CEP170: variants seen among roughly 807,000 people sequenced by gnomAD.
CEP170 encodes centrosomal protein of 170 kDa.
CEP170 carries 21 observed loss-of-function variants against 151.9 expected under a neutral mutation model. The observed-to-expected ratio is 0.14, with a 90% CI of 0.10 to 0.20. The LOEUF (loss-of-function observed/expected upper bound fraction) is 0.20. Ranked by LOEUF, CEP170 falls within the 10% of genes least tolerant of loss-of-function variation. The pLI is 1.00. For missense variants in CEP170, 964 were observed against 1,892.9 expected (o/e 0.51, Z 9.11); for synonymous variants, 356 against 648.8 (o/e 0.55, Z 6.86).
intron 14 of CEP170, among the ~76,000 whole-genome samples, chr1:243,154,284 A>G (rs1426930724): frequency 6.6e-6 from 1 of 152,290 alleles, no homozygotes; most frequent in Non-Finnish European, 1.5e-5. Flanking sequence ...CTCTTCAAAT[A>G]TTGCTCTCAG....
intron 14 of CEP170, among the ~76,000 whole-genome samples, chr1:243,150,142 T>C (rs1350592182): frequency 6.6e-6 from 1 of 152,210 alleles, no homozygotes; most frequent in Non-Finnish European, 1.5e-5. Context: ...ACGAGACTGA[T>C]AGGTGTTCCG....
At chr1:243,243,128 A>G (rs2065021968) in intron 1 of CEP170, among the ~76,000 whole-genome samples, 1 of 152,188 alleles carries the variant, frequency 6.6e-6, no homozygotes, top group Admixed American at 6.5e-5. Flanking sequence ...GGAGGCCGAG[A>G]CAGGAGGATC....
At chr1:243,144,695 A>G (rs1407914017) in intron 14 of CEP170, among the ~76,000 whole-genome samples, 1 of 152,204 alleles carries the variant, frequency 6.6e-6, no homozygotes, top group Admixed American at 6.5e-5. Flanking sequence ...GACAACAGCA[A>G]TCTCCACATG....
intron 1 of CEP170, among the ~76,000 whole-genome samples, chr1:243,247,728 A>G (rs914086546): frequency 4.6e-5 from 7 of 152,214 alleles, no homozygotes; most frequent in Admixed American, 3.3e-4. Flanking sequence ...GAAACTGCCT[A>G]TCGGGATAGA....
intron 4 of CEP170, among the ~76,000 whole-genome samples, chr1:243,209,650 C>T (rs374113797): frequency 6.6e-6 from 1 of 151,174 alleles, no homozygotes; most frequent in Admixed American, 6.6e-5. Context: ...TTTAAAATTA[C>T]GTATATAATA....
chr1:243,234,893 C>T (rs929701432), intron 1 of CEP170, among the ~76,000 whole-genome samples: 2 of 152,108 alleles, frequency 1.3e-5, no homozygotes, highest in Non-Finnish European at 2.9e-5. Context: ...TTATTGACTA[C>T]TTAATATGAA....
upstream of CEP170, among the ~76,000 whole-genome samples, chr1:243,255,694 G>T (rs1199660918): frequency 1.3e-5 from 2 of 152,214 alleles, no homozygotes; most frequent in Non-Finnish European, 2.9e-5. Flanking sequence ...GAGTAGCCTG[G>T]GGATCAACTG....
chr1:243,206,619 T>C (rs2061437702), intron 4 of CEP170, among the ~76,000 whole-genome samples: 1 of 152,222 alleles, frequency 6.6e-6, no homozygotes, highest in African/African-American at 2.4e-5. Context: ...GGAAGGTTCG[T>C]GGGTTTCAGA....
At chr1:243,255,727 G>A (rs1036549254), upstream of CEP170, among the ~76,000 whole-genome samples, 81 of 152,352 alleles carry the variant, frequency 5.3e-4, no homozygotes, top group African/African-American at 1.9e-3. Context: ...AAATTTCGAA[G>A]CGTCAAGGCC....
chr1:243,176,329 C>T (rs1329830998), intron 10 of CEP170, among the ~76,000 whole-genome samples: 5 of 152,264 alleles, frequency 3.3e-5, no homozygotes, highest in South Asian at 2.1e-4. Flanking sequence ...CAAAGGAAGG[C>T]GGAATAGGAC....
At chr1:243,206,248 C>T (rs1026624035) in intron 4 of CEP170, among the ~76,000 whole-genome samples, 1 of 152,158 alleles carries the variant, frequency 6.6e-6, no homozygotes, top group African/African-American at 2.4e-5. Flanking sequence ...ATTCTCCTGC[C>T]TCAGCATCCG....
At chr1:243,251,646 T>G (rs958354086) in intron 1 of CEP170, among the ~76,000 whole-genome samples, 1 of 152,226 alleles carries the variant, frequency 6.6e-6, no homozygotes, top group African/African-American at 2.4e-5. Flanking sequence ...TAATATTTTC[T>G]ATATCATTTA....
intron 1 of CEP170, among the ~76,000 whole-genome samples, chr1:243,248,717 T>C (rs546067292): frequency 1.3e-5 from 2 of 152,354 alleles, no homozygotes; most frequent in Non-Finnish European, 2.9e-5. Context: ...TGGTTCCCAG[T>C]GTTTTAAAGA....
intron 1 of CEP170, among the ~76,000 whole-genome samples, chr1:243,254,734 G>C (rs1007318151): frequency 5.3e-5 from 8 of 151,764 alleles, no homozygotes; most frequent in African/African-American, 1.9e-4. Flanking sequence ...AGGGGATGCG[G>C]AGGCGGCAGC....
intron 8 of CEP170, among the ~76,000 whole-genome samples, chr1:243,190,678 T>C (rs2060256738): frequency 6.6e-6 from 1 of 152,190 alleles, no homozygotes; most frequent in Non-Finnish European, 1.5e-5. Context: ...AATATATCTT[T>C]TCCTTAAATC....
chr1:243,175,822 A>G (rs2059201265), intron 10 of CEP170, among the ~76,000 whole-genome samples: 1 of 151,896 alleles, frequency 6.6e-6, no homozygotes, highest in Non-Finnish European at 1.5e-5. Context: ...TTTGAGACAG[A>G]GTCTCGCTTT....
intron 15 of CEP170, among the ~76,000 whole-genome samples, chr1:243,142,086 G>C (rs1297303059): frequency 6.6e-6 from 1 of 152,176 alleles, no homozygotes; most frequent in African/African-American, 2.4e-5. Flanking sequence ...CAGGCAAAAT[G>C]CTGTTTCTAA....
At chr1:243,226,826 C>T (rs1015992814) in intron 1 of CEP170, among the ~76,000 whole-genome samples, 1 of 152,052 alleles carries the variant, frequency 6.6e-6, no homozygotes, top group Admixed American at 6.5e-5. Context: ...CCCGACTCTA[C>T]TAAAAATACA....
intron 1 of CEP170, among the ~76,000 whole-genome samples, chr1:243,226,818 C>T (rs1286460159): frequency 1.3e-5 from 2 of 152,050 alleles, no homozygotes; most frequent in Admixed American, 6.5e-5. Flanking sequence ...GGAGAAACCC[C>T]GACTCTACTA....
Sources: allele counts gnomAD v4.1 joint callset (sites outside exome capture counted in the v4.1 genomes callset), GRCh38; gene constraint gnomAD v4.1.1; transcripts MANE v1.5; gene names NCBI Gene and HGNC (gene_info 2026-07-23, HGNC 2026-07-21).